FRMPD3: variants seen among roughly 807,000 people sequenced by gnomAD.
FRMPD3 encodes the protein FERM and PDZ domain containing 3, also known as FERM and PDZ domain-containing protein 3.
In FRMPD3, 42 loss-of-function variants were observed where a neutral mutation model predicts 97.9. The observed-to-expected ratio is 0.43, with a 90% CI of 0.34 to 0.55. FRMPD3 has a LOEUF of 0.55. Ranked by LOEUF, FRMPD3 falls within the 20% of genes least tolerant of loss-of-function variation. The pLI is 0.03. For missense variants in FRMPD3, 1,303 were observed against 1,457.7 expected (o/e 0.89, Z 1.73); for synonymous variants, 577 against 581.1 (o/e 0.99, Z 0.10).
intron 1 of FRMPD3, among the ~76,000 whole-genome samples, chrX:107,500,168 G>C (rs1179438417): frequency 1.8e-5 from 2 of 111,825 alleles, no homozygotes; most frequent in Admixed American, 1.9e-4. Context: ...TTGGCCCCAT[G>C]ATGAGGGTAT....
In FRMPD3 at chrX:107,602,843, C is replaced by G; in HGVS notation, c.4804C>G (p.Leu1602Val). ...TGCCCGGCTGGACACCAACGAGCTG[C>G]TGACAGTCCTGCGGCAGTGTGTGGC... ...LAARLDTNELLTVLRQCVASP... is the reference protein window; with the variant it reads ...LAARLDTNELVTVLRQCVASP... Residue 1602 changes from leucine (L) to valine (V), a missense_variant, in exon 15 of 15, where the codon CTG (leucine) becomes GTG (valine). Physicochemically the swap from Leu to Val is conservative, Grantham distance 32. Transcript: ENST00000683843. The G allele has an allele frequency of 8.3e-7, 1 of 1,210,120 alleles. No individual in the cohort carries two copies. Among genetic ancestry groups the G allele is most frequent in the Middle Eastern group, 2.3e-4 (1 of 4,349 alleles).
intron 13 of FRMPD3, 24 bp from the exon 14 acceptor site, chrX:107,597,297 T>A: frequency 8.7e-7 from 1 of 1,155,509 alleles, no homozygotes; most frequent in Non-Finnish European, 1.2e-6. Flanking sequence ...AGGGCTCATC[T>A]GTTGATTCTC....
intron 1 of FRMPD3, among the ~76,000 whole-genome samples, chrX:107,464,890 G>A (rs1931531983): frequency 9.0e-6 from 1 of 111,610 alleles, no homozygotes; most frequent in African/African-American, 3.3e-5. Flanking sequence ...TAATAAGCTG[G>A]CAGAGAAGCA....
rs1924538415 is a variant in FRMPD3, at chrX:107,601,963, C to G, written c.3924C>G (p.Gly1308=). Residue 1308 remains glycine, a synonymous_variant, in exon 15 of 15, where the codon GGC becomes GGG. Transcript: ENST00000683843. ...ACTGCAAGCGCATCTGCCGGGGGGG[C>G]CGGCCACAAGCCACCCAGACACCAG... is the stretch of plus-strand genomic sequence containing the variant. ...SCDCKRICRG[G]RPQATQTPVP... The G allele has an allele frequency of 1.7e-6, 2 of 1,171,472 alleles. No individual in the cohort carries two copies. The highest frequency in any genetic ancestry group is 2.3e-6 in the Non-Finnish European group (2 of 876,981).
intron 13 of FRMPD3, among the ~76,000 whole-genome samples, chrX:107,583,869 C>CTT (rs1270872725): frequency 3.2e-4 from 30 of 94,869 alleles, no homozygotes; most frequent in Middle Eastern, 4.8e-3. Flanking sequence ...CTTTTTCTTT[C>CTT]TTTTTTTTTT....
intron 13 of FRMPD3, among the ~76,000 whole-genome samples, chrX:107,581,264 A>G (rs1923371366): frequency 6.4e-5 from 7 of 110,132 alleles, no homozygotes; most frequent in Admixed American, 5.9e-4. Context: ...GGCCGCCACC[A>G]TGCCCGGCTA....
At position 107,554,269 on chromosome X, in the gene FRMPD3, C is replaced by T. The variant is rs970675219; in HGVS notation, c.643-116C>T. The T allele has an allele frequency of 1.4e-5, 11 of 790,302 alleles. No homozygotes were observed. The African/African-American group carries it at 2.3e-4, about 17-fold the overall frequency. The allele number at this position is 790,302 out of a possible 1,213,427, so 65.1% of individuals were successfully genotyped here. On this transcript the variant is annotated intron_variant, in intron 7 of 14. Coordinates refer to ENST00000683843, the MANE Select transcript of FRMPD3 (RefSeq NM_001388459.1). ...GCCAGGTCGGAGACAGAGTAGGAAA[C>T]AACAGCTTAGCTCTGCCCCAAGCCC...
chrX:107,599,183 G>A (rs748485764), intron 14 of FRMPD3, among the ~76,000 whole-genome samples: 2 of 109,910 alleles, frequency 1.8e-5, no homozygotes, highest in South Asian at 8.0e-4. Context: ...TGAGGCAGGA[G>A]AATCGCTTGA....
At chrX:107,563,940 GA>G (rs751581820) in intron 11 of FRMPD3, among the ~76,000 whole-genome samples, 140 of 112,272 alleles carry the variant, frequency 1.2e-3, no homozygotes, top group African/African-American at 4.3e-3. Flanking sequence ...CTGGTGAAAG[GA>G]AATTCAAATC....
intron 13 of FRMPD3, among the ~76,000 whole-genome samples, chrX:107,577,162 T>TAAAAAAAAA (rs1170985688): frequency 9.4e-5 from 3 of 32,059 alleles, no homozygotes; most frequent in Admixed American, 4.5e-4. Context: ...CTGTCTCTAC[T>TAAAAAAAAA]AAAAAAAAAA....
At chrX:107,466,283 C>G (rs1026796286) in intron 1 of FRMPD3, among the ~76,000 whole-genome samples, 2 of 112,395 alleles carry the variant, frequency 1.8e-5, no homozygotes, top group African/African-American at 3.2e-5. Flanking sequence ...GAGAGGGGAC[C>G]TCAAAATGGA....
intron 5 of FRMPD3, among the ~76,000 whole-genome samples, chrX:107,549,487 T>C (rs1921765914): frequency 9.2e-6 from 1 of 108,890 alleles, no homozygotes; most frequent in Non-Finnish European, 1.9e-5. Context: ...GGTATGGAGG[T>C]GTGAAAGAGG....
At chrX:107,598,981 A>C (rs1178944935) in intron 14 of FRMPD3, among the ~76,000 whole-genome samples, 1 of 112,258 alleles carries the variant, frequency 8.9e-6, no homozygotes, top group African/African-American at 3.2e-5. Flanking sequence ...ACCTTAAAAA[A>C]AGAGAAGAGA....
chrX:107,489,204 A>G (rs1353714367), intron 1 of FRMPD3, among the ~76,000 whole-genome samples: 2 of 109,120 alleles, frequency 1.8e-5, no homozygotes, highest in Non-Finnish European at 3.8e-5. Flanking sequence ...CATGGTGTAT[A>G]TGTGCCACAT....
chrX:107,493,667 T>C (rs1393538345), intron 1 of FRMPD3, among the ~76,000 whole-genome samples: 2 of 112,058 alleles, frequency 1.8e-5, no homozygotes, highest in Non-Finnish European at 3.8e-5. Flanking sequence ...TTGGGGGCAT[T>C]GTTAATATTT....
intron 12 of FRMPD3, among the ~76,000 whole-genome samples, chrX:107,571,085 G>A (rs1922865810): frequency 8.9e-6 from 1 of 111,739 alleles, no homozygotes; most frequent in Admixed American, 9.5e-5. Flanking sequence ...AGGCATACCT[G>A]GGCCATTACC....
In FRMPD3 at chrX:107,554,523, A is replaced by G; in HGVS notation, c.762+19A>G. 3 of 1,199,060 alleles carry G rather than the reference A, an allele frequency of 2.5e-6. No individual in the cohort carries two copies. The highest frequency in any genetic ancestry group is 3.4e-6 in the Non-Finnish European group (3 of 888,885). ...CATCCAGGTAGAGTCTGGCTTGGGG[A>G]TACACAGACAGACCAGTGGACAAAG... On this transcript the variant is annotated intron_variant, in intron 8 of 14. Coordinates refer to ENST00000683843, the MANE Select transcript of FRMPD3 (RefSeq NM_001388459.1).
In FRMPD3 at chrX:107,601,261, C is replaced by T. The variant is rs1375514142; in HGVS notation, c.3222C>T (p.Gly1074=). The T allele has an allele frequency of 8.3e-7, 1 of 1,208,025 alleles. No individual in the cohort carries two copies. The highest frequency in any genetic ancestry group is 2.2e-5 in the Admixed American group (1 of 45,721). ...TGCGAACAAGCCGAGAGTCAGTGGG[C>T]AAGCAAGCTACAGGGGAGGTGGCAG... is the stretch of plus-strand genomic sequence containing the variant. ...YLLRTSRESV[G]KQATGEVAGK... The change falls in exon 15 of 15, where the codon GGC becomes GGT. Residue 1074 remains glycine, a synonymous_variant. Coordinates refer to ENST00000683843, the MANE Select transcript of FRMPD3 (RefSeq NM_001388459.1).
At chrX:107,516,288 G>A (rs1359900022) in intron 1 of FRMPD3, among the ~76,000 whole-genome samples, 1 of 110,320 alleles carries the variant, frequency 9.1e-6, no homozygotes, top group Admixed American at 9.6e-5. Context: ...TTGGACATTT[G>A]GGTTGGTTCC....
Sources: gnomAD v4.1 joint callset for allele counts (sites outside exome capture counted in the v4.1 genomes callset) on GRCh38, gnomAD v4.1.1 for gene constraint, MANE v1.5 for transcripts, NCBI Gene and HGNC (gene_info 2026-07-23, HGNC 2026-07-21) for gene names.